GBE1: variants seen among roughly 807,000 people sequenced by gnomAD.
GBE1 encodes the protein 1,4-alpha-glucan branching enzyme 1.
In GBE1, 70 loss-of-function variants were observed where a neutral mutation model predicts 88.8. That is an observed-to-expected ratio of 0.79 (90% confidence interval 0.65 to 0.96). GBE1 has a LOEUF of 0.96. Ranked by LOEUF, GBE1 falls within the 40% of genes least tolerant of loss-of-function variation. GBE1 has a pLI of 0.00. For synonymous variants in GBE1, 284 were observed against 300.1 expected, an observed-to-expected ratio of 0.95 and a Z score of 0.56; for missense variants, 872 against 871.0, an observed-to-expected ratio of 1.00 and a Z score of -0.01.
At chr3:81,673,487 T>C (rs1450468299) in intron 2 of GBE1, among the ~76,000 whole-genome samples, 1 of 151,854 alleles carries the variant, frequency 6.6e-6, no homozygotes. Context: ...TATTAAAAGA[T>C]TTGGATATTT....
At position 81,490,385 on chromosome 3, in the gene GBE1, G is replaced by T. The variant is rs759825550; in HGVS notation, c.*22C>A. ...AAAACAAAACACAAATCTGCATCTG[G>T]TGGAGCTGAAATCAGGCCTCTTCAA... is the stretch of plus-strand genomic sequence containing the variant. On this transcript the variant is annotated 3_prime_UTR_variant, in exon 16 of 16. Transcript: ENST00000429644. The T allele has an allele frequency of 6.3e-7, 1 of 1,598,036 alleles. No homozygotes were observed. The highest frequency in any genetic ancestry group is 2.2e-5 in the East Asian group (1 of 44,786).
chr3:81,562,309 G>A (rs1186220343), intron 12 of GBE1, among the ~76,000 whole-genome samples: 1 of 152,078 alleles, frequency 6.6e-6, no homozygotes, highest in Non-Finnish European at 1.5e-5. Flanking sequence ...TACAAAATTT[G>A]ATCTGTTGTT....
intron 14 of GBE1, among the ~76,000 whole-genome samples, chr3:81,505,746 G>A (rs967006776): frequency 2.6e-5 from 4 of 151,588 alleles, no homozygotes; most frequent in African/African-American, 9.7e-5. Flanking sequence ...TGGTCGGGGG[G>A]TGTGTGTCTA....
At chr3:81,644,161 C>A (rs113844925) in intron 6 of GBE1, among the ~76,000 whole-genome samples, 1 of 151,684 alleles carries the variant, frequency 6.6e-6, no homozygotes, top group South Asian at 2.1e-4. Flanking sequence ...GGAGATACAC[C>A]AGCGAAAAAA....
intron 12 of GBE1, among the ~76,000 whole-genome samples, chr3:81,537,851 A>G (rs555437064): frequency 6.6e-6 from 1 of 151,844 alleles, no homozygotes; most frequent in Admixed American, 6.6e-5. Context: ...CTGGCTGGGG[A>G]TCTATATAAT....
At chr3:81,686,953 A>T (rs1705451770) in intron 2 of GBE1, among the ~76,000 whole-genome samples, 1 of 152,134 alleles carries the variant, frequency 6.6e-6, no homozygotes, top group Non-Finnish European at 1.5e-5. Context: ...ACAATTTTGT[A>T]ACCTTTTGTC....
chr3:81,711,581 T>C (rs1705865861), intron 1 of GBE1, among the ~76,000 whole-genome samples: 1 of 152,322 alleles, frequency 6.6e-6, no homozygotes, highest in Middle Eastern at 3.4e-3. Flanking sequence ...ACCAGTACCA[T>C]GCTGCTTTGG....
At chr3:81,695,692 A>G (rs528758734) in intron 2 of GBE1, among the ~76,000 whole-genome samples, 10 of 152,340 alleles carry the variant, frequency 6.6e-5, no homozygotes, top group African/African-American at 2.2e-4. Context: ...AAAGAAAGAA[A>G]TAAAATAAAT....
intron 7 of GBE1, among the ~76,000 whole-genome samples, chr3:81,625,252 T>C (rs1459769905): frequency 6.6e-6 from 1 of 152,154 alleles, no homozygotes; most frequent in Admixed American, 6.6e-5. Context: ...ACACTACTGA[T>C]AGCTTCTTCT....
intron 14 of GBE1, among the ~76,000 whole-genome samples, chr3:81,502,352 G>A (rs368398238): frequency 2.1e-3 from 316 of 152,226 alleles, no homozygotes; most frequent in African/African-American, 7.4e-3. Flanking sequence ...TAAAGGAAAA[G>A]CTTATGAAAG....
Position 81,756,006 on chromosome 3 carries a change from T to C in GBE1, c.143+5369A>G, listed in dbSNP as rs1232838814. 3.9e-5 allele frequency among the ~76,000 whole-genome samples: 6 copies of C among 152,146 alleles called. No individual in the cohort carries two copies. In the East Asian group the frequency reaches 9.6e-4, roughly 24 times the overall value. On this transcript the variant is annotated intron_variant, in intron 1 of 15. Coordinates refer to ENST00000429644, the MANE Select transcript of GBE1 (RefSeq NM_000158.4). ...CAAATTACTTTCTAATTTTAATAGA[T>C]ACCAATGTGAAAATTATTTTATTTC...
At chr3:81,703,003 TG>T (rs1178146505) in intron 2 of GBE1, among the ~76,000 whole-genome samples, 1 of 148,802 alleles carries the variant, frequency 6.7e-6, no homozygotes, top group Admixed American at 6.6e-5. Flanking sequence ...AATATGGGGG[TG>T]GGGGAACCAA....
intron 3 of GBE1, among the ~76,000 whole-genome samples, chr3:81,651,791 T>C (rs989343210): frequency 6.6e-5 from 10 of 152,226 alleles, no homozygotes; most frequent in Non-Finnish European, 1.5e-4. Flanking sequence ...CATAAACTAA[T>C]AATAATTTCT....
At chr3:81,517,463 GTGGTC>G (rs1028867145) in intron 14 of GBE1, among the ~76,000 whole-genome samples, 7 of 151,320 alleles carry the variant, frequency 4.6e-5, no homozygotes, top group African/African-American at 1.7e-4. Flanking sequence ...CTTTATTCCA[GTGGTC>G]TGGAACCCAA....
chr3:81,513,270 T>C (rs1004377242), intron 14 of GBE1, among the ~76,000 whole-genome samples: 18 of 151,414 alleles, frequency 1.2e-4, no homozygotes, highest in Admixed American at 1.1e-3. Context: ...TGCTGCAGGA[T>C]ACAGAGAAAG....
chr3:81,746,636 T>C lies in GBE1; in HGVS notation c.143+14739A>G, dbSNP rs541811918. Among the ~76,000 whole-genome samples the C allele has an allele frequency of 7.2e-5, 11 of 152,306 alleles. No individual in the cohort carries two copies. In the South Asian group the frequency reaches 2.1e-3, roughly 29 times the overall value. On this transcript the variant is annotated intron_variant, in intron 1 of 15. Coordinates refer to ENST00000429644, the MANE Select transcript of GBE1 (RefSeq NM_000158.4). ...ATTAAAATGATAACCACTACAGTTA[T>C]GCAGTATACATGAACATATACATTC... is the stretch of plus-strand genomic sequence containing the variant.
chr3:81,547,727 T>C (rs1318571934), intron 12 of GBE1, among the ~76,000 whole-genome samples: 1 of 150,936 alleles, frequency 6.6e-6, no homozygotes. Flanking sequence ...ATCTCCTCTG[T>C]AAAGGTTTGA....
At chr3:81,686,535 T>C (rs980695277) in intron 2 of GBE1, among the ~76,000 whole-genome samples, 1 of 152,128 alleles carries the variant, frequency 6.6e-6, no homozygotes, top group Non-Finnish European at 1.5e-5. Flanking sequence ...GGTGGGTGGA[T>C]CACCTGAGGT....
chr3:81,555,873 G>C (rs922421684), intron 12 of GBE1, among the ~76,000 whole-genome samples: 11 of 152,012 alleles, frequency 7.2e-5, no homozygotes, highest in South Asian at 6.2e-4. Context: ...ATTTCCTAAC[G>C]TCCCTTTATG....
Sources: gnomAD v4.1 joint callset for allele counts (sites outside exome capture counted in the v4.1 genomes callset) on GRCh38, gnomAD v4.1.1 for gene constraint, MANE v1.5 for transcripts, NCBI Gene and HGNC (gene_info 2026-07-23, HGNC 2026-07-21) for gene names.